ARHGAP17: variants seen among roughly 807,000 people sequenced by gnomAD.
ARHGAP17 encodes the protein rho GTPase-activating protein 17.
A neutral mutation model predicts 99.5 loss-of-function variants in ARHGAP17; 57 were observed. The ratio of observed to expected loss-of-function variants is 0.57; its 90% CI spans 0.46 to 0.71. ARHGAP17 has a LOEUF of 0.71. ARHGAP17 is among the 30% of genes least tolerant of loss of function. The pLI is 0.00. For synonymous variants in ARHGAP17, 417 were observed against 429.6 expected (o/e 0.97, Z 0.36); for missense variants, 1,000 against 1,122.4 (o/e 0.89, Z 1.56).
At chr16:24,962,947 C>A (rs2052054342) in intron 7 of ARHGAP17, among the ~76,000 whole-genome samples, 1 of 152,174 alleles carries the variant, frequency 6.6e-6, no homozygotes, top group South Asian at 2.1e-4. Context: ...AAATTACCCA[C>A]AAGGTATGCA....
intron 1 of ARHGAP17, among the ~76,000 whole-genome samples, chr16:25,003,042 A>AAAAG (rs2053410245): frequency 6.7e-6 from 1 of 150,264 alleles, no homozygotes; most frequent in South Asian, 2.1e-4. Flanking sequence ...CCGTCTCAAA[A>AAAAG]AAAAAAAAAA....
chr16:24,979,670 G>A lies in ARHGAP17; in HGVS notation c.54-665C>T, dbSNP rs553471903. Among the ~76,000 whole-genome samples, 5 of 151,944 alleles carry A rather than the reference G, an allele frequency of 3.3e-5. No individual in the cohort carries two copies. The South Asian group carries it at 1.0e-3, about 32-fold the overall frequency. On this transcript the variant is annotated intron_variant, in intron 1 of 19. Transcript: ENST00000289968. ...TCAGAAGGGGGCATTCCGAGCTGGC[G>A]GAGTCTCAACTGTCAGACCATAATA...
chr16:24,931,193 G>C lies in ARHGAP17; in HGVS notation c.2106C>G (p.Ser702=). The part of the protein sequence containing the change: ...PSQLSAPRRY[S]SSLSPIQAPN... ...GAGCTTGGATTGGAGACAAGCTGCT[G>C]GAGTACCTCCGGGGTGCTGAGAGCT... is the stretch of plus-strand genomic sequence containing the variant. Residue 702 remains serine, a synonymous_variant, in exon 19 of 20, where the codon TCC becomes TCG. Transcript: ENST00000289968. 6.3e-7 allele frequency: 1 copy of C among 1,585,160 alleles called. No individual in the cohort carries two copies. The highest frequency in any genetic ancestry group is 1.2e-5 in the South Asian group (1 of 85,234).
intron 16 of ARHGAP17, among the ~76,000 whole-genome samples, chr16:24,940,897 G>C (rs1442239181): frequency 1.3e-5 from 2 of 152,208 alleles, no homozygotes; most frequent in Non-Finnish European, 2.9e-5. Context: ...TCAGCTGGCA[G>C]GGAGAATACA....
intron 7 of ARHGAP17, among the ~76,000 whole-genome samples, chr16:24,963,584 C>T (rs1597415475): frequency 6.6e-6 from 1 of 152,214 alleles, no homozygotes; most frequent in East Asian, 1.9e-4. Flanking sequence ...AATAATTTCA[C>T]CTCAAATAAC....
intron 1 of ARHGAP17, among the ~76,000 whole-genome samples, chr16:25,009,829 A>T (rs1890109437): frequency 6.6e-6 from 1 of 152,030 alleles, no homozygotes; most frequent in Admixed American, 6.5e-5. Flanking sequence ...AAGTAACATC[A>T]CCTCAGAGGG....
chr16:24,968,719 G>A lies in ARHGAP17; in HGVS notation c.326C>T (p.Ser109Phe). Residue 109 changes from serine (S) to phenylalanine (F), a missense_variant, in exon 5 of 20, where the codon TCC (serine) becomes TTC (phenylalanine). Coordinates refer to ENST00000289968, the MANE Select transcript of ARHGAP17 (RefSeq NM_001006634.3). ...CTTCTCAACAAAGACTTCGTGCTGG[G>A]AGAGCTCGAGAGCCAGCTGATTCTC... ...DAENQLALEL[S>F]QHEVFVEKEI... 6.2e-7 allele frequency: 1 copy of A among 1,614,188 alleles called. No homozygotes were observed.
At chr16:24,931,427 C>A (rs1455062961) in intron 18 of ARHGAP17, 23 bp from the exon 19 acceptor site, 3 of 1,496,800 alleles carry the variant, frequency 2.0e-6, no homozygotes, top group Non-Finnish European at 2.7e-6. Flanking sequence ...AGAAAAAACA[C>A]CTTTCAGTAG....
chr16:24,963,241 T>C (rs1324849112), intron 7 of ARHGAP17, among the ~76,000 whole-genome samples: 2 of 152,216 alleles, frequency 1.3e-5, no homozygotes, highest in African/African-American at 2.4e-5. Flanking sequence ...CTTTTAAACA[T>C]AAAAACTTTT....
At chr16:24,936,344 C>A (rs901661244) in intron 17 of ARHGAP17, 1 of 154,602 alleles carries the variant, frequency 6.5e-6, no homozygotes, top group African/African-American at 2.4e-5. Context: ...TCCATTTTGT[C>A]AAGGTCACCA....
chr16:25,000,879 CAG>C (rs2141479473), intron 1 of ARHGAP17, among the ~76,000 whole-genome samples: 1 of 152,342 alleles, frequency 6.6e-6, no homozygotes, highest in Non-Finnish European at 1.5e-5. Context: ...TGACACAAAA[CAG>C]ACACAGAATA....
chr16:24,980,304 G>A (rs1281156723), intron 1 of ARHGAP17, among the ~76,000 whole-genome samples: 2 of 152,214 alleles, frequency 1.3e-5, no homozygotes, highest in African/African-American at 4.8e-5. Flanking sequence ...ACAGGGCATT[G>A]CCATGGGGGA....
chr16:24,978,525 AACAG>A (rs1350353037), intron 2 of ARHGAP17, among the ~76,000 whole-genome samples: 11 of 152,244 alleles, frequency 7.2e-5, no homozygotes, highest in African/African-American at 1.9e-4. Context: ...TCACGTCAGA[AACAG>A]ACAGTCTCTG....
intron 1 of ARHGAP17, among the ~76,000 whole-genome samples, chr16:25,006,188 GA>G (rs1234737306): frequency 1.3e-5 from 2 of 151,922 alleles, no homozygotes; most frequent in Non-Finnish European, 2.9e-5. Flanking sequence ...TAACAGGAAG[GA>G]TGGCCTCTGG....
intron 12 of ARHGAP17, among the ~76,000 whole-genome samples, chr16:24,951,283 T>A (rs1001739045): frequency 8.5e-5 from 13 of 152,236 alleles, no homozygotes; most frequent in African/African-American, 3.1e-4. Context: ...GCTACTCTCC[T>A]GGCCCTGTTC....
At chr16:24,973,922 G>A (rs940219390) in intron 3 of ARHGAP17, among the ~76,000 whole-genome samples, 2 of 152,358 alleles carry the variant, frequency 1.3e-5, no homozygotes, top group South Asian at 2.1e-4. Context: ...GGGGACTGGT[G>A]AGTGTTATGT....
chr16:24,930,738 CA>C (rs1567207861), intron 19 of ARHGAP17, 45 bp downstream of exon 19: 1 of 1,614,132 alleles, frequency 6.2e-7, no homozygotes, highest in African/African-American at 1.3e-5. Context: ...AGTACAAAAG[CA>C]ATGTAGAGCA....
chr16:24,987,239 G>C (rs2052898510), intron 1 of ARHGAP17, among the ~76,000 whole-genome samples: 1 of 152,154 alleles, frequency 6.6e-6, no homozygotes, highest in East Asian at 1.9e-4. Context: ...TTTATTTATG[G>C]ACACTGAAAT....
chr16:24,956,882 C>T (rs2051825181), intron 9 of ARHGAP17: 1 of 152,226 alleles, frequency 6.6e-6, no homozygotes, highest in African/African-American at 2.4e-5. Context: ...TTGCCATTGG[C>T]TTCAGCTGTC....
Sources: allele counts gnomAD v4.1 joint callset (sites outside exome capture counted in the v4.1 genomes callset), GRCh38; gene constraint gnomAD v4.1.1; transcripts MANE v1.5; gene names NCBI Gene and HGNC (gene_info 2026-07-23, HGNC 2026-07-21).